ELF1: variants seen among roughly 807,000 people sequenced by gnomAD.
The protein encoded by ELF1 is E74 like ETS transcription factor 1.
In ELF1, 24 loss-of-function variants were observed where a neutral mutation model predicts 59.9. That is an observed-to-expected ratio of 0.40 (90% CI 0.29 to 0.56). The LOEUF (loss-of-function observed/expected upper bound fraction) is 0.56. ELF1 is among the 20% of genes least tolerant of loss of function. ELF1 has a pLI of 0.44. For synonymous variants in ELF1, 248 were observed against 266.2 expected (o/e 0.93, Z 0.67); for missense variants, 627 against 742.2 (o/e 0.84, Z 1.80).
chr13:41,046,340 G>C (rs755443733), intron 1 of ELF1, among the ~76,000 whole-genome samples: 2 of 152,160 alleles, frequency 1.3e-5, no homozygotes, highest in Non-Finnish European at 2.9e-5. Flanking sequence ...ATGTTAGTTG[G>C]TTATTTTGCT....
chr13:40,975,273 C>T (rs1240747787), intron 2 of ELF1, among the ~76,000 whole-genome samples: 1 of 152,204 alleles, frequency 6.6e-6, no homozygotes, highest in African/African-American at 2.4e-5. Flanking sequence ...CTAACAGAAT[C>T]TTGCCATTCC....
upstream of ELF1, among the ~76,000 whole-genome samples, chr13:41,021,843 A>T (rs1875702930): frequency 6.6e-6 from 1 of 152,192 alleles, no homozygotes; most frequent in African/African-American, 2.4e-5. Flanking sequence ...CAACATCAAT[A>T]CTCAATAGGG....
intron 3 of ELF1, among the ~76,000 whole-genome samples, chr13:40,954,194 G>T (rs1399604936): frequency 6.6e-6 from 1 of 152,166 alleles, no homozygotes; most frequent in Non-Finnish European, 1.5e-5. Flanking sequence ...TTATTGGTTT[G>T]CTCTGAACAA....
chr13:40,995,804 G>T (rs540279563), intron 1 of ELF1, among the ~76,000 whole-genome samples: 3 of 152,230 alleles, frequency 2.0e-5, no homozygotes, highest in African/African-American at 4.8e-5. Flanking sequence ...ATGCATGTGG[G>T]TTTGGTGATG....
chr13:40,995,968 AC>A (rs1874107667), intron 1 of ELF1, among the ~76,000 whole-genome samples: 1 of 152,172 alleles, frequency 6.6e-6, no homozygotes, highest in South Asian at 2.1e-4. Flanking sequence ...ATATGCAAGG[AC>A]CTCTCAAAAC....
intron 1 of ELF1, among the ~76,000 whole-genome samples, chr13:41,058,125 C>T (rs2138443456): frequency 6.6e-6 from 1 of 152,260 alleles, no homozygotes; most frequent in South Asian, 2.1e-4. Flanking sequence ...CCACTGCTAC[C>T]TTTGGGTTTT....
At position 40,949,837 on chromosome 13, in the gene ELF1, G is replaced by A; in HGVS notation, c.498C>T (p.Ala166=). 2 of 1,614,056 alleles carry A rather than the reference G, an allele frequency of 1.2e-6. No individual in the cohort carries two copies. The highest frequency in any genetic ancestry group is 1.7e-6 in the Non-Finnish European group (2 of 1,180,000). Reference sequence around the variant, plus strand: ...TCCTCTTAGGCTGTTCTGGTGATGAGGCTCCCGGTGAGTCTGCATATTTTT... The same window carrying A: ...TCCTCTTAGGCTGTTCTGGTGATGAAGCTCCCGGTGAGTCTGCATATTTTT... ...VQEKYADSPG[A]SSPEQPKRKK... is the part of the protein sequence containing the mutation. Residue 166 remains alanine, a synonymous_variant, in exon 5 of 9, where the codon GCC becomes GCT. Transcript: ENST00000239882.
chr13:41,040,062 T>C (rs1876541891), intron 1 of ELF1, among the ~76,000 whole-genome samples: 1 of 152,254 alleles, frequency 6.6e-6, no homozygotes, highest in African/African-American at 2.4e-5. Context: ...ATTTTATTTA[T>C]GAGAGTCCAA....
At position 40,933,584 on chromosome 13, in the gene ELF1, C is replaced by G. The variant is rs1473088756; in HGVS notation, c.1701G>C (p.Gln567His). The G allele has an allele frequency of 6.2e-7, 1 of 1,614,078 alleles. No homozygotes were observed. The highest frequency in any genetic ancestry group is 8.5e-7 in the Non-Finnish European group (1 of 1,180,042). Residue 567 changes from glutamine to histidine, a missense_variant, in exon 9 of 9, where the codon CAG becomes CAC. By Grantham distance (24) the Gln-to-His change is conservative (BLOSUM62 0). Transcript: ENST00000239882. ...CTTCAGATTCCTTTTTCTCTACTTC[C>G]TGTGTAAGAGTTTTTGTTTCTTGAG... Reference protein sequence around the residue: ...IKTQETKTLTQEVEKKESEDH... With the variant: ...IKTQETKTLTHEVEKKESEDH...
intron 2 of ELF1, among the ~76,000 whole-genome samples, chr13:40,975,121 G>C (rs780132478): frequency 6.6e-6 from 1 of 152,168 alleles, no homozygotes; most frequent in Non-Finnish European, 1.5e-5. Context: ...AAATAACAGA[G>C]GATCCACTAA....
At chr13:41,011,252 G>A (rs1310111911) in intron 1 of ELF1, among the ~76,000 whole-genome samples, 4 of 152,078 alleles carry the variant, frequency 2.6e-5, no homozygotes, top group African/African-American at 4.8e-5. Flanking sequence ...TTTGAATGTG[G>A]GATAATTCTG....
At chr13:41,010,488 G>T (rs1017823599) in intron 1 of ELF1, among the ~76,000 whole-genome samples, 1 of 119,662 alleles carries the variant, frequency 8.4e-6, no homozygotes, top group South Asian at 2.6e-4. Context: ...ATAGGTATGA[G>T]GTGTATGTGT....
At chr13:40,946,046 C>T (rs1239461765) in intron 5 of ELF1, among the ~76,000 whole-genome samples, 2 of 152,158 alleles carry the variant, frequency 1.3e-5, no homozygotes, top group Non-Finnish European at 2.9e-5. Context: ...TTGCGTTTCA[C>T]CATGTTGCTC....
intron 5 of ELF1, among the ~76,000 whole-genome samples, chr13:40,945,361 T>C (rs912451537): frequency 2.0e-5 from 3 of 152,210 alleles, no homozygotes; most frequent in Non-Finnish European, 2.9e-5. Flanking sequence ...GAATTTTTGT[T>C]TGGCAGTGGT....
intron 2 of ELF1, among the ~76,000 whole-genome samples, chr13:40,963,532 CA>C (rs1322598048): frequency 6.6e-6 from 1 of 152,184 alleles, no homozygotes; most frequent in Non-Finnish European, 1.5e-5. Context: ...GATGTATATT[CA>C]AAGTTGTTCA....
intron 1 of ELF1, among the ~76,000 whole-genome samples, chr13:41,025,619 T>C (rs1593401632): frequency 6.6e-6 from 1 of 152,374 alleles, no homozygotes; most frequent in African/African-American, 2.4e-5. Context: ...AGTGACTGAT[T>C]TGAGGGACTC....
intron 2 of ELF1, among the ~76,000 whole-genome samples, chr13:40,967,257 A>G (rs1872235088): frequency 1.3e-5 from 2 of 152,234 alleles, no homozygotes; most frequent in Non-Finnish European, 2.9e-5. Context: ...ACCATGCAGC[A>G]AATGCACTAC....
At chr13:40,982,499 T>C (rs1274514765) in intron 1 of ELF1, among the ~76,000 whole-genome samples, 3 of 151,212 alleles carry the variant, frequency 2.0e-5, no homozygotes, top group African/African-American at 7.3e-5. Context: ...CTGAAAATTA[T>C]GCCTCTCTCC....
chr13:40,956,053 C>G (rs1871395664), intron 3 of ELF1, among the ~76,000 whole-genome samples: 1 of 146,968 alleles, frequency 6.8e-6, no homozygotes, highest in Admixed American at 6.8e-5. Flanking sequence ...TGCCCGGCCA[C>G]CACCCCGTCT....
Sources: gnomAD v4.1 joint callset for allele counts (sites outside exome capture counted in the v4.1 genomes callset) on GRCh38, gnomAD v4.1.1 for gene constraint, MANE v1.5 for transcripts, NCBI Gene and HGNC (gene_info 2026-07-23, HGNC 2026-07-21) for gene names.